SLC22A3: variants seen among roughly 807,000 people sequenced by gnomAD.
SLC22A3 encodes solute carrier family 22 member 3, also known as EMT organic cation transporter 3.
SLC22A3 carries 51 observed loss-of-function variants against 59.1 expected under a neutral mutation model. The observed-to-expected ratio is 0.86, with a 90% confidence interval of 0.69 to 1.09. The LOEUF (loss-of-function observed/expected upper bound fraction) is 1.09. Ranked by LOEUF, SLC22A3 falls within the 50% of genes least tolerant of loss-of-function variation. The pLI is 0.00. For synonymous variants in SLC22A3, 325 were observed against 292.0 expected (o/e 1.11, Z -1.15); for missense variants, 711 against 726.3 (o/e 0.98, Z 0.24).
intron 1 of SLC22A3, among the ~76,000 whole-genome samples, chr6:160,349,668 T>C (rs544774002): frequency 6.6e-6 from 1 of 152,288 alleles, no homozygotes; most frequent in East Asian, 1.9e-4. Context: ...AGTAATCTGT[T>C]TCTGCATCCT....
chr6:160,410,080 G>A (rs1055727616), intron 4 of SLC22A3, among the ~76,000 whole-genome samples: 5 of 152,160 alleles, frequency 3.3e-5, no homozygotes, highest in African/African-American at 4.8e-5. Context: ...GCAGTGGTGC[G>A]ATCTCGGCTC....
At chr6:160,448,018 TG>T (rs1229027487) in intron 10 of SLC22A3, among the ~76,000 whole-genome samples, 200 bp downstream of exon 10, 7 of 152,126 alleles carry the variant, frequency 4.6e-5, no homozygotes, top group African/African-American at 1.4e-4. Flanking sequence ...GAGTATGCAT[TG>T]TTTTTTTTAA....
chr6:160,368,247 G>C (rs1214901360), intron 1 of SLC22A3, among the ~76,000 whole-genome samples: 1 of 152,078 alleles, frequency 6.6e-6, no homozygotes, highest in East Asian at 1.9e-4. Context: ...TCCTGCACCA[G>C]GACAATCAAC....
chr6:160,412,388 C>G (rs1787292328), intron 5 of SLC22A3, among the ~76,000 whole-genome samples: 3 of 151,994 alleles, frequency 2.0e-5, no homozygotes, highest in Non-Finnish European at 4.4e-5. Context: ...TTTGTTGGTT[C>G]TATTGTCCCC....
Position 160,348,396 on chromosome 6 carries a change from C to T in SLC22A3, c.-24C>T, listed in dbSNP as rs778952187. The stretch of plus-strand genomic sequence containing the variant: ...GCGGGTCACTCCGAGGCGCGGGCTG[C>T]GGGCGGCGGGCGGCGGGCGCACCAT... On this transcript the variant is annotated 5_prime_UTR_variant, in exon 1 of 11. Transcript: ENST00000275300. 1.1e-5 allele frequency: 16 copies of T among 1,432,964 alleles called. No homozygotes were observed. The highest frequency in any genetic ancestry group is 1.5e-5 in the South Asian group (1 of 66,418). The allele number at this position is 1,432,964 out of a possible 1,614,324, so 88.8% of individuals were successfully genotyped here.
chr6:160,431,963 C>T (rs1358017941), intron 5 of SLC22A3, among the ~76,000 whole-genome samples: 8 of 152,170 alleles, frequency 5.3e-5, no homozygotes, highest in Non-Finnish European at 1.0e-4. Context: ...TTTTCTTCTC[C>T]TCTCTCCACT....
At chr6:160,352,019 T>A (rs1454907009) in intron 1 of SLC22A3, among the ~76,000 whole-genome samples, 2 of 152,264 alleles carry the variant, frequency 1.3e-5, no homozygotes, top group African/African-American at 4.8e-5. Context: ...TTTATTTTCT[T>A]ACTATCATGG....
In SLC22A3 at chr6:160,408,735, G is replaced by C. The variant is rs1662591879; in HGVS notation, c.689-18G>C. On this transcript the variant is annotated intron_variant, in intron 3 of 10. Transcript: ENST00000275300. ...TGACCTTGTGCTTCTGTGACCTCTTGTGTTTGTTTTCCTTTAGTGACAGAA... is the reference window on the plus strand; with the variant it reads ...TGACCTTGTGCTTCTGTGACCTCTTCTGTTTGTTTTCCTTTAGTGACAGAA... The C allele has an allele frequency of 6.2e-7, 1 of 1,613,028 alleles. No homozygotes were observed. The highest frequency in any genetic ancestry group is 8.5e-7 in the Non-Finnish European group (1 of 1,179,282).
rs1360652061 is a variant in SLC22A3, at chr6:160,348,641, G to T, written c.222G>T (p.Thr74=). ...GWSPEEEWNR[T]APASRGPEPP... The stretch of plus-strand genomic sequence containing the variant: ...GCCCGGAGGAGGAGTGGAACCGCAC[G>T]GCGCCCGCCTCCCGCGGCCCAGAGC... The change falls in exon 1 of 11, where the codon ACG becomes ACT. Residue 74 remains threonine (T), a synonymous_variant. Transcript: ENST00000275300. The T allele has an allele frequency of 6.7e-7, 1 of 1,502,548 alleles. No homozygotes were observed. The highest frequency in any genetic ancestry group is 2.1e-5 in the Admixed American group (1 of 47,470). The allele number at this position is 1,502,548 out of a possible 1,614,324, so 93.1% of individuals were successfully genotyped here.
intron 5 of SLC22A3, among the ~76,000 whole-genome samples, chr6:160,423,434 T>C (rs1466293744): frequency 6.6e-6 from 1 of 152,214 alleles, no homozygotes; most frequent in Non-Finnish European, 1.5e-5. Flanking sequence ...TTGAACTAGT[T>C]TACAGTCCCA....
chr6:160,389,070 G>A (rs1228004074), intron 1 of SLC22A3, among the ~76,000 whole-genome samples: 1 of 152,172 alleles, frequency 6.6e-6, no homozygotes, highest in Non-Finnish European at 1.5e-5. Context: ...CCAAAGAGGT[G>A]AATGTATTAG....
intron 3 of SLC22A3, among the ~76,000 whole-genome samples, chr6:160,408,384 C>T (rs1382669102): frequency 2.0e-5 from 3 of 152,150 alleles, no homozygotes; most frequent in South Asian, 2.1e-4. Flanking sequence ...TAAAATGTAG[C>T]CATCTTAACA....
At chr6:160,383,453 CT>C (rs747803314) in intron 1 of SLC22A3, among the ~76,000 whole-genome samples, 12 of 152,322 alleles carry the variant, frequency 7.9e-5, no homozygotes, top group East Asian at 5.8e-4. Context: ...CCGCTTTCCT[CT>C]TGCTATGCTC....
intron 5 of SLC22A3, among the ~76,000 whole-genome samples, chr6:160,435,912 G>A (rs188066400): frequency 5.0e-4 from 76 of 152,138 alleles, no homozygotes; most frequent in African/African-American, 1.7e-3. Flanking sequence ...ATGCACTCCC[G>A]CCTTCCAAGA....
intron 1 of SLC22A3, among the ~76,000 whole-genome samples, chr6:160,354,746 C>T (rs1273201562): frequency 6.6e-6 from 1 of 152,078 alleles, no homozygotes; most frequent in Non-Finnish European, 1.5e-5. Flanking sequence ...CTGCTGTATT[C>T]CAGCCTGGGT....
At chr6:160,390,301 G>T (rs1340223146) in intron 1 of SLC22A3, among the ~76,000 whole-genome samples, 2 of 152,090 alleles carry the variant, frequency 1.3e-5, no homozygotes, top group African/African-American at 4.8e-5. Flanking sequence ...CAGGAAGGAG[G>T]GAGAGCAATT....
intron 1 of SLC22A3, among the ~76,000 whole-genome samples, chr6:160,349,851 G>T (rs1784601960): frequency 1.3e-5 from 2 of 152,180 alleles, no homozygotes; most frequent in Admixed American, 1.3e-4. Context: ...GATTGAATGT[G>T]ATCAGGTACA....
At chr6:160,405,887 T>TA (rs1436007327) in intron 2 of SLC22A3, among the ~76,000 whole-genome samples, 5 of 151,712 alleles carry the variant, frequency 3.3e-5, no homozygotes, top group South Asian at 2.1e-4. Flanking sequence ...ATGGAGACAG[T>TA]AAAAAAAAGG....
At chr6:160,422,707 G>A (rs954171113) in intron 5 of SLC22A3, among the ~76,000 whole-genome samples, 1 of 152,154 alleles carries the variant, frequency 6.6e-6, no homozygotes, top group African/African-American at 2.4e-5. Flanking sequence ...GGTGTTAATT[G>A]GTGATGAAGT....
Sources: allele counts gnomAD v4.1 joint callset (sites outside exome capture counted in the v4.1 genomes callset), GRCh38; gene constraint gnomAD v4.1.1; transcripts MANE v1.5; gene names NCBI Gene and HGNC (gene_info 2026-07-23, HGNC 2026-07-21).